The following BCAR3 variants were observed in gnomAD, a reference collection of about 807,000 sequenced individuals.
BCAR3 encodes BCAR3 adaptor protein, NSP family member.
A neutral mutation model predicts 80.1 loss-of-function variants in BCAR3; 37 were observed. The observed-to-expected ratio is 0.46, with a 90% CI of 0.36 to 0.61. The LOEUF (loss-of-function observed/expected upper bound fraction) is 0.61. Ranked by LOEUF, BCAR3 falls within the 20% of genes least tolerant of loss-of-function variation. The pLI, the probability that BCAR3 is intolerant of heterozygous loss-of-function variation, is 0.00. For missense variants in BCAR3, 978 were observed against 1,068.2 expected, an observed-to-expected ratio of 0.92 and a Z score of 1.18; for synonymous variants, 389 against 418.9, an observed-to-expected ratio of 0.93 and a Z score of 0.87.
At chr1:93,706,482 G>A (rs376208992) in intron 2 of BCAR3, among the ~76,000 whole-genome samples, 4 of 152,092 alleles carry the variant, frequency 2.6e-5, no homozygotes, top group African/African-American at 9.7e-5. Flanking sequence ...CTTTTCAATA[G>A]AGGTAGAGGG....
In BCAR3 at chr1:93,592,527, T is replaced by C; in HGVS notation, c.358-134A>G. The C allele has an allele frequency of 1.6e-6, 2 of 1,251,558 alleles. No individual in the cohort carries two copies. Among genetic ancestry groups the C allele is most frequent in the Non-Finnish European group, 2.2e-6 (2 of 920,740 alleles). The allele number at this position is 1,251,558 out of a possible 1,614,324, so 77.5% of individuals were successfully genotyped here. ...CATTCAGGTAGGGGAGCCTGGATAA[T>C]GATTACAAAGAGCTGTGACCTTTCG... is the stretch of plus-strand genomic sequence containing the variant. On this transcript the variant is annotated intron_variant, in intron 3 of 11. Transcript: ENST00000260502. The surrounding 1 kb of genome is among the most constrained non-coding windows in gnomAD (Gnocchi z 4.8).
chr1:93,663,298 T>G (rs1427418082), intron 2 of BCAR3, among the ~76,000 whole-genome samples: 6 of 152,208 alleles, frequency 3.9e-5, no homozygotes, highest in Non-Finnish European at 8.8e-5. Context: ...TCTGTTTCTT[T>G]ACAGCCCAGA....
intron 3 of BCAR3, among the ~76,000 whole-genome samples, chr1:93,694,049 C>T (rs985850822): frequency 6.6e-6 from 1 of 152,170 alleles, no homozygotes; most frequent in African/African-American, 2.4e-5. Flanking sequence ...GGCTAAGTTG[C>T]CCAAGGTTGC....
intron 3 of BCAR3, among the ~76,000 whole-genome samples, chr1:93,689,700 G>C (rs913332104): frequency 1.3e-5 from 2 of 152,176 alleles, no homozygotes; most frequent in African/African-American, 2.4e-5. Flanking sequence ...CTGCCTTCTT[G>C]AGTTATGACC....
intron 2 of BCAR3, among the ~76,000 whole-genome samples, chr1:93,805,160 G>C (rs148993789): frequency 1.3e-5 from 2 of 152,266 alleles, no homozygotes; most frequent in African/African-American, 2.4e-5. Flanking sequence ...GAATCTTCTA[G>C]CTCAGGAATT....
At chr1:93,671,592 A>C (rs911306338) in intron 2 of BCAR3, among the ~76,000 whole-genome samples, 2 of 152,194 alleles carry the variant, frequency 1.3e-5, no homozygotes, top group Non-Finnish European at 2.9e-5. Flanking sequence ...ACTGAGCTGG[A>C]GTGAATGGTT....
chr1:93,699,510 C>T lies in BCAR3; in HGVS notation c.-12+6582G>A, dbSNP rs182079124. Among the ~76,000 whole-genome samples, 810 of 151,596 alleles carry T rather than the reference C, an allele frequency of 5.3e-3. 8 individuals carry two copies. The highest frequency in any genetic ancestry group is 0.017 in the Middle Eastern group (5 of 294). ...TTAAAGCTGTACCTTGTTGCGGGGG[C>T]GGGGGTGGATGGGCAGAAGAACTCA... On this transcript the variant is annotated intron_variant, in intron 3 of 13. Coordinates refer to the BCAR3 transcript ENST00000370244.
rs1672999157 is a variant in BCAR3, at chr1:93,567,407, A to G, written c.2171T>C (p.Phe724Ser). Residue 724 changes from phenylalanine (F) to serine (S), a missense_variant, in exon 11 of 12, where the codon TTT becomes TCT. Phe to Ser is a radical substitution (Grantham distance 155). Transcript: ENST00000260502. ...TTTTTCCCACATGTCGGTTCCTTCAAAAGTCACAGCCTGGCGCTCCATTAA... is the reference window on the plus strand; with the variant it reads ...TTTTTCCCACATGTCGGTTCCTTCAGAAGTCACAGCCTGGCGCTCCATTAA... ...VTLMERQAVT[F>S]EGTDMWEKND... 1.2e-6 allele frequency: 2 copies of G among 1,614,178 alleles called. No individual in the cohort carries two copies. Among genetic ancestry groups the G allele is most frequent in the South Asian group, 1.1e-5 (1 of 91,078 alleles).
intron 8 of BCAR3, among the ~76,000 whole-genome samples, chr1:93,573,636 T>TTTTTTTTTTTTTA (rs1673326119): frequency 7.4e-6 from 1 of 134,526 alleles, no homozygotes; most frequent in Admixed American, 7.4e-5. Flanking sequence ...TATTATTATT[T>TTTTTTTTTTTTTA]TTTTTTTTTT....
chr1:93,846,808 C>T (rs748116256), intron 1 of BCAR3: 1 of 466,124 alleles, frequency 2.1e-6, no homozygotes, highest in African/African-American at 2.1e-5. Flanking sequence ...GCAAGACGAG[C>T]TCTCGGAGGA....
intron 3 of BCAR3, among the ~76,000 whole-genome samples, chr1:93,696,230 G>C (rs1348102985): frequency 6.6e-6 from 1 of 152,080 alleles, no homozygotes; most frequent in East Asian, 1.9e-4. Flanking sequence ...ACATCCAAAT[G>C]GTTTGCTAAA....
intron 5 of BCAR3, among the ~76,000 whole-genome samples, chr1:93,588,422 G>A (rs1057063653): frequency 2.0e-5 from 3 of 151,912 alleles, no homozygotes; most frequent in Admixed American, 6.6e-5. Context: ...CCTCACCCCC[G>A]GTACATCACT....
chr1:93,617,474 C>A (rs1675163635), intron 3 of BCAR3, among the ~76,000 whole-genome samples: 1 of 152,180 alleles, frequency 6.6e-6, no homozygotes, highest in Non-Finnish European at 1.5e-5. Flanking sequence ...AGTGACTCTG[C>A]CCATGGCTAG....
At chr1:93,739,760 T>G (rs993996083) in intron 2 of BCAR3, among the ~76,000 whole-genome samples, 1 of 152,116 alleles carries the variant, frequency 6.6e-6, no homozygotes, top group Non-Finnish European at 1.5e-5. Flanking sequence ...GCTGGCCAGG[T>G]GCAGTGGCTC....
intron 2 of BCAR3, among the ~76,000 whole-genome samples, chr1:93,796,935 T>G (rs1361438345): frequency 1.3e-5 from 2 of 152,174 alleles, no homozygotes; most frequent in South Asian, 2.1e-4. Context: ...GATCCCAATT[T>G]CCACTAGCTA....
At chr1:93,724,861 T>A (rs1650526866) in intron 2 of BCAR3, among the ~76,000 whole-genome samples, 1 of 152,196 alleles carries the variant, frequency 6.6e-6, no homozygotes, top group Non-Finnish European at 1.5e-5. Flanking sequence ...CACCAACCCA[T>A]AAAGACCTCT....
chr1:93,835,148 G>C (rs979914917), intron 2 of BCAR3, among the ~76,000 whole-genome samples: 1 of 152,138 alleles, frequency 6.6e-6, no homozygotes, highest in Non-Finnish European at 1.5e-5. Flanking sequence ...CATTTATACT[G>C]ATTCTAAATG....
intron 2 of BCAR3, among the ~76,000 whole-genome samples, chr1:93,765,313 T>A (rs886144928): frequency 2.0e-5 from 3 of 152,200 alleles, no homozygotes; most frequent in African/African-American, 7.2e-5. Flanking sequence ...ATAAGAATGG[T>A]CAGTTTTCAC....
chr1:93,651,547 C>T lies in BCAR3; in HGVS notation c.318-9204G>A, dbSNP rs183728275. ...TTATAATCCTGTGAAGAAAGGGGTA[C>T]TATCCTCAACTTACAGACCACAAAA... On this transcript the variant is annotated intron_variant, in intron 2 of 11. Transcript: ENST00000260502. 6.6e-4 allele frequency among the ~76,000 whole-genome samples: 100 copies of T among 152,292 alleles called. 1 individual carries two copies. The highest frequency in any genetic ancestry group is 2.3e-3 in the African/African-American group (97 of 41,562).
Sources: allele counts gnomAD v4.1 joint callset (sites outside exome capture counted in the v4.1 genomes callset), GRCh38; gene constraint gnomAD v4.1.1; non-coding constraint Gnocchi (gnomAD v3.1); transcripts MANE v1.5; gene names NCBI Gene and HGNC (gene_info 2026-07-23, HGNC 2026-07-21).